The following ZNF324 variants were observed in gnomAD, a reference collection of about 807,000 sequenced individuals.
ZNF324 encodes zinc finger protein 324A.
A neutral mutation model predicts 10.3 loss-of-function variants in ZNF324; 3 were observed. The ratio of observed to expected loss-of-function variants is 0.29; its 90% CI spans 0.13 to 0.75. The LOEUF is 0.75. ZNF324 is among the 30% of genes least tolerant of loss of function. The pLI is 0.69. For missense variants in ZNF324, 763 were observed against 784.4 expected (o/e 0.97, Z 0.33); for synonymous variants, 430 against 339.5 (o/e 1.27, Z -2.93).
chr19:58,468,062 G>A (rs528680543), intron 1 of ZNF324: 338 of 344,502 alleles, frequency 9.8e-4, no homozygotes, highest in Non-Finnish European at 1.2e-3. Context: ...GCTGTTTGAA[G>A]AACTAAGTAC....
chr19:58,468,559 G>C (rs2053001270), intron 1 of ZNF324, among the ~76,000 whole-genome samples: 1 of 152,114 alleles, frequency 6.6e-6, no homozygotes, highest in South Asian at 2.1e-4. Flanking sequence ...TCCCAGTGAT[G>C]GGTATGCCTG....
Position 58,471,861 on chromosome 19 carries a change from G to T in ZNF324, c.1369G>T (p.Asp457Tyr). Residue 457 changes from aspartate (D) to tyrosine (Y), a missense_variant, in exon 4 of 4, where the codon GAC becomes TAC. Asp to Tyr is a radical substitution (Grantham distance 160). Transcript: ENST00000196482. Reference sequence around the variant, plus strand: ...GGGCGAGCGGCCCTTCCGCTGCGTGGACTGTGGCAAGGCCTTCGCCAAGGG... The same window carrying T: ...GGGCGAGCGGCCCTTCCGCTGCGTGTACTGTGGCAAGGCCTTCGCCAAGGG... ...HTGERPFRCV[D>Y]CGKAFAKGAV... The T allele has an allele frequency of 6.2e-7, 1 of 1,612,322 alleles. No individual in the cohort carries two copies. The highest frequency in any genetic ancestry group is 2.2e-5 in the East Asian group (1 of 44,870).
At position 58,472,011 on chromosome 19, in the gene ZNF324, A is replaced by T; in HGVS notation, c.1519A>T (p.Lys507Ter). 1 of 1,607,852 alleles carries T rather than the reference A, an allele frequency of 6.2e-7. No individual in the cohort carries two copies. Among genetic ancestry groups the T allele is most frequent in the Non-Finnish European group, 8.5e-7 (1 of 1,179,722 alleles). ...CCACCAGAGGATCCATACCGGCGAG[A>T]AGACCGTCCGGCGATCCAGGGCCAG... ...FHHQRIHTGE[K>*]TVRRSRASLH... is the part of the protein sequence containing the mutation. The change falls in exon 4 of 4, where the codon AAG becomes TAG. Residue 507 changes from lysine to a stop codon, truncating the protein, a stop_gained. Coordinates refer to ENST00000196482, the MANE Select transcript of ZNF324 (RefSeq NM_014347.3). LOFTEE classifies it low-confidence loss of function (END_TRUNC).
chr19:58,468,378 A>C (rs1160002485), intron 1 of ZNF324, among the ~76,000 whole-genome samples: 4 of 152,082 alleles, frequency 2.6e-5, no homozygotes, highest in African/African-American at 9.7e-5. Context: ...GAGGGTGGCA[A>C]CAGAGAGGGG....
At chr19:58,468,728 T>C (rs747098237) in intron 1 of ZNF324, among the ~76,000 whole-genome samples, 2 of 151,968 alleles carry the variant, frequency 1.3e-5, no homozygotes, top group African/African-American at 2.4e-5. Context: ...AGCTTGCTTG[T>C]GTATGGCGTT....
intron 1 of ZNF324, 31 bp from the exon 2 acceptor site, chr19:58,469,149 C>T (rs542525948): frequency 6.2e-7 from 1 of 1,614,004 alleles, no homozygotes; most frequent in Non-Finnish European, 8.5e-7. Context: ...AGCCTTAGAC[C>T]ATGGCTGTCT....
Position 58,472,374 on chromosome 19 carries a change from GGGGA to G in ZNF324, c.*223_*226del. ...AGAGGTAGCACTGCAGCAACATCAG[GGGGA>G]GGACGTGGTGGCTGAACTCTAGTGG... On this transcript the variant is annotated 3_prime_UTR_variant, in exon 4 of 4. Transcript: ENST00000196482. The G allele has an allele frequency of 5.2e-6, 3 of 572,350 alleles. No homozygotes were observed. The Admixed American group carries it at 9.4e-5, about 18-fold the overall frequency. The allele number at this position is 572,350 out of a possible 1,614,324, so 35.5% of individuals were successfully genotyped here.
At chr19:58,469,104 A>C (rs886764808) in intron 1 of ZNF324, 76 bp from the exon 2 acceptor site, 1 of 1,587,510 alleles carries the variant, frequency 6.3e-7, no homozygotes, top group African/African-American at 1.3e-5. Flanking sequence ...TCTTCTTCCA[A>C]TGTGGCCCAG....
chr19:58,468,144 C>T (rs1041857821), intron 1 of ZNF324: 1 of 959,864 alleles, frequency 1.0e-6, no homozygotes, highest in Non-Finnish European at 1.2e-6. Flanking sequence ...GAAAGGAAAG[C>T]AGGTTTCCTT....
At position 58,471,898 on chromosome 19, in the gene ZNF324, T is replaced by C; in HGVS notation, c.1406T>C (p.Leu469Pro). The C allele has an allele frequency of 2.5e-6, 4 of 1,611,162 alleles. No homozygotes were observed. Among genetic ancestry groups the C allele is most frequent in the Non-Finnish European group, 1.7e-6 (2 of 1,179,346 alleles). The part of the protein sequence containing the change: ...GKAFAKGAVL[L>P]SHRRIHTGEK... ...GCCTTCGCCAAGGGCGCCGTGCTGCTCAGCCACCGGCGCATTCACACGGGC... is the reference window on the plus strand; with the variant it reads ...GCCTTCGCCAAGGGCGCCGTGCTGCCCAGCCACCGGCGCATTCACACGGGC... Residue 469 changes from leucine (L) to proline (P), a missense_variant, in exon 4 of 4, where the codon CTC becomes CCC. Physicochemically the swap from Leu to Pro is moderately conservative, Grantham distance 98. Coordinates refer to ENST00000196482, the MANE Select transcript of ZNF324 (RefSeq NM_014347.3).
At chr19:58,469,603 C>T in intron 2 of ZNF324, 125 bp from the exon 3 acceptor site, 1 of 843,728 alleles carries the variant, frequency 1.2e-6, no homozygotes, top group Non-Finnish European at 1.9e-6. Context: ...CCTGTGCCAT[C>T]TTTAGATTCT....
Position 58,472,544 on chromosome 19 carries a change from G to T in ZNF324, c.*390G>T. 1 of 199,958 alleles carries T rather than the reference G, an allele frequency of 5.0e-6. No individual in the cohort carries two copies. Among genetic ancestry groups the T allele is most frequent in the Non-Finnish European group, 1.0e-5 (1 of 98,480 alleles). The allele number at this position is 199,958 out of a possible 1,614,324, so 12.4% of individuals were successfully genotyped here. A position where few individuals can be genotyped will look rare whatever the true frequency, so the allele number is the denominator to read the frequency against. ...GGGTGGCCCAGAGAAACTTATGACA[G>T]CTGTACACAAACTGGCCGCTGGAGA... On this transcript the variant is annotated 3_prime_UTR_variant, in exon 4 of 4. Transcript: ENST00000196482.
In ZNF324 at chr19:58,471,005, C is replaced by G. The variant is rs146787311; in HGVS notation, c.513C>G (p.Gly171=). ...RLTSPLRPPE[G]VRLREKTLTE... The stretch of plus-strand genomic sequence containing the variant: ...CCTCCCCGCTTAGGCCTCCCGAGGG[C>G]GTCCGGCTTAGAGAAAAGACACTCA... The change falls in exon 4 of 4, where the codon GGC becomes GGG. Residue 171 remains glycine, a synonymous_variant. Transcript: ENST00000196482. 6.2e-7 allele frequency: 1 copy of G among 1,614,064 alleles called. No homozygotes were observed. Among genetic ancestry groups the G allele is most frequent in the Non-Finnish European group, 8.5e-7 (1 of 1,180,046 alleles).
rs747317762 is a variant in ZNF324 at position 58,470,981 on chromosome 19, C to T, written c.489C>T (p.Thr163=). 5 of 1,614,092 alleles carry T rather than the reference C, an allele frequency of 3.1e-6. No homozygotes were observed. Among genetic ancestry groups the T allele is most frequent in the African/African-American group, 1.3e-5 (1 of 74,944 alleles). Residue 163 remains threonine, a synonymous_variant, in exon 4 of 4, where the codon ACC becomes ACT. Coordinates refer to ENST00000196482, the MANE Select transcript of ZNF324 (RefSeq NM_014347.3). The stretch of plus-strand genomic sequence containing the variant: ...AAGCCAGCGTCAGCCTGCGACTGAC[C>T]TCCCCGCTTAGGCCTCCCGAGGGCG... The part of the protein sequence containing the change: ...SGQASVSLRL[T]SPLRPPEGVR...
In ZNF324 at chr19:58,469,177, T is replaced by C; in HGVS notation, c.-6-3T>C. On this transcript the variant is annotated splice_region_variant and splice_polypyrimidine_tract_variant and intron_variant, in intron 1 of 3. Transcript: ENST00000196482. ...GGCTGTCTCTTCCTCCCTGCTCTTTTAGGACCAGATGGCCTTTGAGGATGT... is the reference window on the plus strand; with the variant it reads ...GGCTGTCTCTTCCTCCCTGCTCTTTCAGGACCAGATGGCCTTTGAGGATGT... The C allele has an allele frequency of 1.2e-6, 2 of 1,614,202 alleles. No individual in the cohort carries two copies. Among genetic ancestry groups the C allele is most frequent in the Middle Eastern group, 1.6e-4 (1 of 6,062 alleles).
Position 58,469,295 on chromosome 19 carries a change from T to G in ZNF324, c.110T>G (p.Val37Gly). 1.9e-6 allele frequency: 3 copies of G among 1,614,118 alleles called. No homozygotes were observed. The highest frequency in any genetic ancestry group is 2.5e-6 in the Non-Finnish European group (3 of 1,179,974). ...RRVMLDNFAL[V>G]ASLGLSTSRP... ...GTGATGCTAGACAACTTCGCACTTG[T>G]GGCCTCGCTGGGTAAGGTCCTAGAT... is the stretch of plus-strand genomic sequence containing the variant. The change falls in exon 2 of 4, where the codon GTG becomes GGG. Residue 37 changes from valine to glycine, a missense_variant. By Grantham distance (109) the Val-to-Gly change is moderately radical (BLOSUM62 -3). This residue lies in a region of ZNF324 where 379 missense variants were observed against 319.4 expected (regional missense o/e 1.19). Transcript: ENST00000196482.
Position 58,471,272 on chromosome 19 carries a change from G to A in ZNF324, c.780G>A (p.Arg260=), listed in dbSNP as rs899000807. 6.8e-6 allele frequency: 11 copies of A among 1,613,566 alleles called. No individual in the cohort carries two copies. The highest frequency in any genetic ancestry group is 1.6e-4 in the Middle Eastern group (1 of 6,076). ...CTGGGGAGAAGTCCTTCGAATGCAG[G>A]GCGTGCAGCAAAGTGTTCGTGAAGA... ...LHAGEKSFEC[R]ACSKVFVKSS... is the part of the protein sequence containing the mutation. Residue 260 remains arginine (R), a synonymous_variant, in exon 4 of 4, where the codon AGG becomes AGA. Transcript: ENST00000196482.
rs1555790695 is a variant in ZNF324, at chr19:58,473,414, G to GGAAAA, written c.*1260_*1261insGAAAA. On this transcript the variant is annotated 3_prime_UTR_variant, in exon 4 of 4. Coordinates refer to ENST00000196482, the MANE Select transcript of ZNF324 (RefSeq NM_014347.3). ...AAGGAAATTCATGTTCTCCTTAATG[G>GGAAAA]AAAAAAAAAAAAAAAGACTACCATC... is the stretch of plus-strand genomic sequence containing the variant. 3 of 119,242 alleles carry GGAAAA rather than the reference G, an allele frequency of 2.5e-5. No homozygotes were observed. The highest frequency in any genetic ancestry group is 4.9e-5 in the Non-Finnish European group (3 of 60,880). The allele number at this position is 119,242 out of a possible 1,614,324, so 7.4% of individuals were successfully genotyped here. A position where few individuals can be genotyped will look rare whatever the true frequency, so the allele number is the denominator to read the frequency against.
Position 58,471,794 on chromosome 19 carries a change from T to C in ZNF324, c.1302T>C (p.Phe434=). The C allele has an allele frequency of 1.2e-6, 2 of 1,612,392 alleles. No individual in the cohort carries two copies. Among genetic ancestry groups the C allele is most frequent in the Non-Finnish European group, 1.7e-6 (2 of 1,179,688 alleles). Residue 434 remains phenylalanine (F), a synonymous_variant, in exon 4 of 4, where the codon TTT becomes TTC. Transcript: ENST00000196482. The part of the protein sequence containing the change: ...PFACPQCGRA[F]SHSSNLTQHQ... ...CCTGCCCACAGTGCGGCCGCGCCTT[T>C]AGCCACAGCTCCAACCTCACCCAGC...
Sources: gnomAD v4.1 joint callset for allele counts (sites outside exome capture counted in the v4.1 genomes callset) on GRCh38, gnomAD v4.1.1 for gene constraint, gnomAD v4.1.1 regional missense constraint, MANE v1.5 for transcripts, NCBI Gene and HGNC (gene_info 2026-07-23, HGNC 2026-07-21) for gene names.